KCNAB1: variants seen among roughly 807,000 people sequenced by gnomAD.
The protein encoded by KCNAB1 is voltage-gated potassium channel subunit beta-1.
In KCNAB1, 35 loss-of-function variants were observed where a neutral mutation model predicts 64.6. That is an observed-to-expected ratio of 0.54 (90% CI 0.41 to 0.72). The LOEUF (loss-of-function observed/expected upper bound fraction) is 0.72. Ranked by LOEUF, KCNAB1 falls within the 30% of genes least tolerant of loss-of-function variation. KCNAB1 has a pLI of 0.00. For missense variants in KCNAB1, 401 were observed against 512.9 expected, an observed-to-expected ratio of 0.78 and a Z score of 2.11; for synonymous variants, 177 against 183.8, an observed-to-expected ratio of 0.96 and a Z score of 0.30.
At chr3:156,240,590 G>T (rs1156557618) in intron 1 of KCNAB1, among the ~76,000 whole-genome samples, 1 of 152,096 alleles carries the variant, frequency 6.6e-6, no homozygotes, top group Non-Finnish European at 1.5e-5. Context: ...TAGACATAAT[G>T]TATTGAGTTT....
chr3:156,501,463 T>C (rs1716403241), intron 8 of KCNAB1, among the ~76,000 whole-genome samples: 1 of 130,948 alleles, frequency 7.6e-6, no homozygotes, highest in East Asian at 2.4e-4. Context: ...GGAGTCTCGC[T>C]CTGTTGCCCA....
chr3:156,310,570 A>G (rs559485983), intron 1 of KCNAB1, among the ~76,000 whole-genome samples: 6 of 152,214 alleles, frequency 3.9e-5, no homozygotes, highest in South Asian at 2.1e-4. Flanking sequence ...TTGGGAGGCC[A>G]AGGGGGGCAG....
chr3:156,123,634 G>A (rs919646513), intron 1 of KCNAB1, among the ~76,000 whole-genome samples: 4 of 152,162 alleles, frequency 2.6e-5, no homozygotes, highest in Admixed American at 6.5e-5. Context: ...AATATACTTT[G>A]CTTAATACAG....
At chr3:156,147,940 G>GACAC (rs6148150) in intron 1 of KCNAB1, among the ~76,000 whole-genome samples, 9,090 of 145,660 alleles carry the variant, frequency 0.062, 393 homozygotes, top group African/African-American at 0.11. Flanking sequence ...CACATGCCAA[G>GACAC]ACACACACAC....
chr3:156,354,120 G>GTGTATATATATATA (rs372765461), intron 1 of KCNAB1, among the ~76,000 whole-genome samples: 16 of 132,558 alleles, frequency 1.2e-4, no homozygotes, highest in Non-Finnish European at 2.2e-4. Context: ...ATGTGTGTGT[G>GTGTATATATATATA]TATATATATA....
At chr3:156,487,181 C>A (rs932945974) in intron 8 of KCNAB1, among the ~76,000 whole-genome samples, 4 of 152,022 alleles carry the variant, frequency 2.6e-5, no homozygotes, top group African/African-American at 9.7e-5. Context: ...TTTAGGAAAA[C>A]CTTATGTGCT....
chr3:156,431,879 A>C (rs757905260), intron 2 of KCNAB1, among the ~76,000 whole-genome samples: 1 of 152,224 alleles, frequency 6.6e-6, no homozygotes, highest in Non-Finnish European at 1.5e-5. Context: ...AGAGGACTGC[A>C]GAAGCTTCAT....
chr3:156,257,921 A>G (rs1718196364), intron 1 of KCNAB1, among the ~76,000 whole-genome samples: 1 of 152,194 alleles, frequency 6.6e-6, no homozygotes, highest in African/African-American at 2.4e-5. Flanking sequence ...ACAACAGAAT[A>G]GGAAAGAGAA....
In KCNAB1 at chr3:156,430,918, G is replaced by A. The variant is rs73873363; in HGVS notation, c.319+9259G>A. The stretch of plus-strand genomic sequence containing the variant: ...AGCTTGGTGAAAATGTCTTTACTTT[G>A]GACTAGAAAATGTCAGAACCTGAAT... On this transcript the variant is annotated intron_variant, in intron 2 of 13. Transcript: ENST00000490337. 3.6e-3 allele frequency among the ~76,000 whole-genome samples: 546 copies of A among 152,222 alleles called. 3 individuals carry two copies. The highest frequency in any genetic ancestry group is 0.012 in the African/African-American group (489 of 41,520).
intron 1 of KCNAB1, among the ~76,000 whole-genome samples, chr3:156,275,106 A>C (rs1719261910): frequency 6.6e-6 from 1 of 152,200 alleles, no homozygotes; most frequent in South Asian, 2.1e-4. Flanking sequence ...TATAAGTGAG[A>C]TCAGACAGTA....
intron 8 of KCNAB1, among the ~76,000 whole-genome samples, chr3:156,513,920 A>T (rs1394836814): frequency 6.6e-6 from 1 of 152,212 alleles, no homozygotes; most frequent in African/African-American, 2.4e-5. Context: ...CCAGCTCTGC[A>T]AGTCCAATAT....
chr3:156,470,409 G>A (rs373199839), intron 7 of KCNAB1, among the ~76,000 whole-genome samples: 13 of 152,286 alleles, frequency 8.5e-5, no homozygotes, highest in East Asian at 7.7e-4. Context: ...TAATCCCAAC[G>A]ATTTGGGAGG....
At chr3:156,268,407 C>G (rs1206209373) in intron 1 of KCNAB1, among the ~76,000 whole-genome samples, 2 of 152,156 alleles carry the variant, frequency 1.3e-5, no homozygotes, top group Admixed American at 6.5e-5. Context: ...ATTGCTGGAT[C>G]ATATAGTAGC....
chr3:156,297,440 C>T (rs1420185550), intron 1 of KCNAB1, among the ~76,000 whole-genome samples: 1 of 149,698 alleles, frequency 6.7e-6, no homozygotes, highest in Non-Finnish European at 1.5e-5. Flanking sequence ...TGTCTGCTTA[C>T]AAAGTTCTGT....
chr3:156,376,374 A>T (rs1460385882), intron 1 of KCNAB1, among the ~76,000 whole-genome samples: 1 of 152,210 alleles, frequency 6.6e-6, no homozygotes, highest in African/African-American at 2.4e-5. Flanking sequence ...GGAGTCCAGC[A>T]TTTAAGAGAC....
chr3:156,357,956 T>A (rs1377390090), intron 1 of KCNAB1, among the ~76,000 whole-genome samples: 2 of 151,976 alleles, frequency 1.3e-5, no homozygotes, highest in Non-Finnish European at 2.9e-5. Flanking sequence ...AAATTTACTG[T>A]TGAAAAAGTT....
intron 1 of KCNAB1, among the ~76,000 whole-genome samples, chr3:156,316,378 G>A (rs766988162): frequency 2.6e-5 from 4 of 152,218 alleles, no homozygotes; most frequent in Non-Finnish European, 4.4e-5. Flanking sequence ...TATTGGTTAA[G>A]AGCCTGGGCT....
chr3:156,120,178 A>G (rs1266374537), upstream of KCNAB1, among the ~76,000 whole-genome samples: 1 of 152,238 alleles, frequency 6.6e-6, no homozygotes, highest in Non-Finnish European at 1.5e-5. Context: ...TAAAACTCCA[A>G]AGGGACTCTA....
intron 2 of KCNAB1, among the ~76,000 whole-genome samples, chr3:156,448,688 A>C (rs985643000): frequency 1.3e-5 from 2 of 152,184 alleles, no homozygotes; most frequent in Non-Finnish European, 2.9e-5. Context: ...AGAGACTAGA[A>C]GAACTAAAGA....
Sources: gnomAD v4.1 joint callset for allele counts (sites outside exome capture counted in the v4.1 genomes callset) on GRCh38, gnomAD v4.1.1 for gene constraint, MANE v1.5 for transcripts, NCBI Gene and HGNC (gene_info 2026-07-23, HGNC 2026-07-21) for gene names.